Variants in TENM2 observed in about 807,000 individuals in gnomAD.
TENM2 encodes the protein teneurin transmembrane protein 2.
A neutral mutation model predicts 245.2 loss-of-function variants in TENM2; 52 were observed. The ratio of observed to expected loss-of-function variants is 0.21; its 90% CI spans 0.17 to 0.27. The LOEUF (loss-of-function observed/expected upper bound fraction) is 0.27, where lower values mean the gene tolerates loss of function less well. Ranked by LOEUF, TENM2 falls within the 10% of genes least tolerant of loss-of-function variation. The pLI, the probability that TENM2 is intolerant of heterozygous loss-of-function variation, is 1.00. For missense variants in TENM2, 3,046 were observed against 3,666.8 expected, an observed-to-expected ratio of 0.83 and a Z score of 4.37; for synonymous variants, 1,363 against 1,438.9, an observed-to-expected ratio of 0.95 and a Z score of 1.19.
the TENM2 span, among the ~76,000 whole-genome samples, chr5:167,092,906 A>G: frequency 1.1e-4 from 16 of 152,316 alleles, no homozygotes; most frequent in Non-Finnish European, 2.1e-4. Context: ...GGTGAAGATG[A>G]TAGGAATTAC....
the TENM2 span, among the ~76,000 whole-genome samples, chr5:166,998,904 T>C: frequency 6.6e-6 from 1 of 151,974 alleles, no homozygotes; most frequent in South Asian, 2.1e-4. Context: ...CAAAATAATA[T>C]TAGGATGGAG....
the TENM2 span, among the ~76,000 whole-genome samples, chr5:167,241,826 T>A: frequency 2.6e-5 from 4 of 152,122 alleles, no homozygotes; most frequent in African/African-American, 9.7e-5. Flanking sequence ...CACAACTCTT[T>A]GAAGACGTTT....
the TENM2 span, among the ~76,000 whole-genome samples, chr5:167,205,461 A>G: frequency 6.6e-6 from 1 of 152,182 alleles, no homozygotes; most frequent in East Asian, 1.9e-4. Context: ...TCTAACTTCT[A>G]TGTCCACGTG....
intron 2 of TENM2, among the ~76,000 whole-genome samples, chr5:167,596,903 A>G (rs1776256062): frequency 6.6e-6 from 1 of 152,260 alleles, no homozygotes; most frequent in African/African-American, 2.4e-5. Flanking sequence ...TTCTCCAGCA[A>G]TCAGTTCACC....
intron 2 of TENM2, among the ~76,000 whole-genome samples, chr5:167,397,324 A>C (rs1463695803): frequency 6.6e-6 from 1 of 152,122 alleles, no homozygotes; most frequent in Non-Finnish European, 1.5e-5. Context: ...TCTTGTTAAA[A>C]CCATACTCAT....
chr5:167,064,274 G>A, the TENM2 span, among the ~76,000 whole-genome samples: 2 of 152,066 alleles, frequency 1.3e-5, no homozygotes, highest in Non-Finnish European at 2.9e-5. Flanking sequence ...CCCTTGTCCC[G>A]TTTCAACAAA....
intron 19 of TENM2, among the ~76,000 whole-genome samples, chr5:168,206,141 C>T (rs1762329559): frequency 6.6e-6 from 1 of 152,242 alleles, no homozygotes; most frequent in Admixed American, 6.5e-5. Context: ...GAAGCAGCCT[C>T]AGCCTCTCTC....
At chr5:167,291,389 TC>T (rs1754627203) in intron 1 of TENM2, among the ~76,000 whole-genome samples, 1 of 152,248 alleles carries the variant, frequency 6.6e-6, no homozygotes, top group Non-Finnish European at 1.5e-5. Flanking sequence ...GCATCTGCCC[TC>T]ACACTTATCA....
the TENM2 span, among the ~76,000 whole-genome samples, chr5:167,078,860 C>G: frequency 6.6e-6 from 1 of 152,136 alleles, no homozygotes; most frequent in African/African-American, 2.4e-5. Context: ...AAAGCTTCTC[C>G]AACACAGCCT....
chr5:167,909,206 T>G lies in TENM2; in HGVS notation c.712+33011T>G, dbSNP rs1776355842. ...TTTTATCTTTGGTGACACACAGAAG[T>G]TTGCTTTGTTTTTTACTTTCTCCTG... On this transcript the variant is annotated intron_variant, in intron 3 of 28. Transcript: ENST00000518659. Among the ~76,000 whole-genome samples, 3 of 151,880 alleles carry G rather than the reference T, an allele frequency of 2.0e-5. No individual in the cohort carries two copies. The South Asian group carries it at 6.2e-4, about 32-fold the overall frequency.
At chr5:168,069,453 C>T (rs1487255205) in intron 7 of TENM2, among the ~76,000 whole-genome samples, 1 of 152,184 alleles carries the variant, frequency 6.6e-6, no homozygotes, top group Non-Finnish European at 1.5e-5. Flanking sequence ...AATCATTCAT[C>T]CGAGCTCTTA....
At chr5:167,324,597 A>G (rs1287715838) in intron 1 of TENM2, among the ~76,000 whole-genome samples, 3 of 152,020 alleles carry the variant, frequency 2.0e-5, no homozygotes, top group Non-Finnish European at 4.4e-5. Flanking sequence ...ACTAAATCGA[A>G]CCAGGTAGTT....
At chr5:167,951,905 T>C (rs1780140589) in intron 3 of TENM2, among the ~76,000 whole-genome samples, 1 of 152,170 alleles carries the variant, frequency 6.6e-6, no homozygotes, top group Admixed American at 6.5e-5. Context: ...TATATATAAA[T>C]CTCATTTTGA....
At chr5:167,517,940 C>T (rs1260317416) in intron 2 of TENM2, among the ~76,000 whole-genome samples, 1 of 152,068 alleles carries the variant, frequency 6.6e-6, no homozygotes, top group Non-Finnish European at 1.5e-5. Context: ...GTAATCCCAG[C>T]ACTTGGGAGG....
At chr5:167,163,310 T>C in the TENM2 span, among the ~76,000 whole-genome samples, 1 of 152,138 alleles carries the variant, frequency 6.6e-6, no homozygotes, top group African/African-American at 2.4e-5. Flanking sequence ...CAGGCTGGTC[T>C]TGAACTCCTG....
chr5:167,042,195 C>T, the TENM2 span, among the ~76,000 whole-genome samples: 1 of 152,218 alleles, frequency 6.6e-6, no homozygotes, highest in African/African-American at 2.4e-5. Flanking sequence ...ACATTAATCA[C>T]TATGAATTAT....
At chr5:167,418,999 G>A (rs1160862006) in intron 2 of TENM2, among the ~76,000 whole-genome samples, 2 of 151,980 alleles carry the variant, frequency 1.3e-5, no homozygotes, top group Non-Finnish European at 2.9e-5. Flanking sequence ...TAGATAATTT[G>A]ACTAAAGTAT....
At chr5:167,438,694 G>A (rs1362515024) in intron 2 of TENM2, among the ~76,000 whole-genome samples, 1 of 152,116 alleles carries the variant, frequency 6.6e-6, no homozygotes, top group African/African-American at 2.4e-5. Context: ...ACCGCATCTG[G>A]CCTGAACAAA....
rs1760838752 is a variant in TENM2 at position 168,190,323 on chromosome 5, C to T, written c.2570-14C>T. ...TGAAATCTGCTGACTCTGGCTCTGC[C>T]TCTGCCCTTCCAGATGGCCTGGTGG... On this transcript the variant is annotated splice_polypyrimidine_tract_variant and intron_variant, in intron 13 of 28. Coordinates refer to ENST00000518659, the Ensembl canonical transcript of TENM2. 1 of 1,608,752 alleles carries T rather than the reference C, an allele frequency of 6.2e-7. No homozygotes were observed. Among genetic ancestry groups the T allele is most frequent in the Non-Finnish European group, 8.5e-7 (1 of 1,176,648 alleles).
Sources: allele counts gnomAD v4.1 joint callset (sites outside exome capture counted in the v4.1 genomes callset), GRCh38; gene constraint gnomAD v4.1.1; transcripts MANE v1.5; gene names NCBI Gene and HGNC (gene_info 2026-07-23, HGNC 2026-07-21).